Variants in DENND5A observed in about 807,000 individuals in gnomAD.
DENND5A encodes the protein DENN domain-containing protein 5A.
Under a neutral mutation model 140.3 loss-of-function variants are expected in DENND5A, and 64 were observed. The ratio of observed to expected loss-of-function variants is 0.46; its 90% CI spans 0.37 to 0.56. DENND5A has a LOEUF of 0.56. Among genes scored for constraint, DENND5A ranks in the 20% least tolerant of loss-of-function variants. DENND5A has a pLI of 0.00. For missense variants in DENND5A, 1,292 were observed against 1,593.8 expected, an observed-to-expected ratio of 0.81 and a Z score of 3.22; for synonymous variants, 605 against 607.7, an observed-to-expected ratio of 1.00 and a Z score of 0.07.
chr11:9,238,388 T>A (rs184318497), intron 1 of DENND5A, among the ~76,000 whole-genome samples: 1 of 151,900 alleles, frequency 6.6e-6, no homozygotes, highest in Non-Finnish European at 1.5e-5. Flanking sequence ...TATATACTTA[T>A]ATACTTAGAA....
At chr11:9,241,933 G>A (rs747216509) in intron 1 of DENND5A, among the ~76,000 whole-genome samples, 10 of 149,592 alleles carry the variant, frequency 6.7e-5, no homozygotes, top group Admixed American at 1.3e-4. Flanking sequence ...AGAATCGCTT[G>A]AATCTGGGAG....
chr11:9,235,780 A>G (rs773777653), intron 1 of DENND5A, among the ~76,000 whole-genome samples: 6 of 152,184 alleles, frequency 3.9e-5, no homozygotes, highest in Non-Finnish European at 5.9e-5. Flanking sequence ...GTAAATCCAG[A>G]GAGAGAAAGC....
chr11:9,159,009 T>C lies in DENND5A; in HGVS notation c.2436+1704A>G, dbSNP rs375712133. Among the ~76,000 whole-genome samples, 15 of 152,318 alleles carry C rather than the reference T, an allele frequency of 9.8e-5. No homozygotes were observed. In the East Asian group the frequency reaches 2.7e-3, roughly 27 times the overall value. On this transcript the variant is annotated intron_variant, in intron 12 of 22. Coordinates refer to ENST00000328194, the MANE Select transcript of DENND5A (RefSeq NM_015213.4). ...CATATGCATTAGTAGTCACTTCCCA[T>C]TGCTCCCTTCCTCTAGCCTCTGGCA...
intron 1 of DENND5A, among the ~76,000 whole-genome samples, chr11:9,223,336 T>C (rs1272936385): frequency 2.0e-5 from 3 of 151,854 alleles, no homozygotes; most frequent in African/African-American, 7.3e-5. Flanking sequence ...GTCAGGAGTT[T>C]AAGACCAGCC....
chr11:9,179,549 G>C (rs1848657395), intron 6 of DENND5A, among the ~76,000 whole-genome samples: 1 of 148,916 alleles, frequency 6.7e-6, no homozygotes, highest in South Asian at 2.1e-4. Flanking sequence ...GCCCAGGCTG[G>C]AGTGCAATGG....
chr11:9,206,874 C>A, intron 2 of DENND5A, 92 bp from the exon 3 acceptor site: 1 of 930,912 alleles, frequency 1.1e-6, no homozygotes, highest in Admixed American at 2.0e-5. Flanking sequence ...CAGCAAGGTA[C>A]AGAAATGAAG....
chr11:9,255,757 T>C (rs1851917420), intron 1 of DENND5A, among the ~76,000 whole-genome samples: 1 of 151,954 alleles, frequency 6.6e-6, no homozygotes, highest in Admixed American at 6.6e-5. Flanking sequence ...CCCAGCTACT[T>C]GGGAGGCCAA....
At chr11:9,185,642 G>A (rs1430201674) in intron 5 of DENND5A, among the ~76,000 whole-genome samples, 1 of 152,142 alleles carries the variant, frequency 6.6e-6, no homozygotes, top group African/African-American at 2.4e-5. Flanking sequence ...AACCCTGCAC[G>A]TTCTGCACAT....
intron 1 of DENND5A, among the ~76,000 whole-genome samples, chr11:9,252,245 G>A (rs1459989768): frequency 7.8e-5 from 11 of 140,330 alleles, no homozygotes; most frequent in Non-Finnish European, 1.4e-4. Flanking sequence ...TTGCAGTGCC[G>A]CAGTCACACC....
intron 1 of DENND5A, among the ~76,000 whole-genome samples, chr11:9,224,588 C>T (rs571463632): frequency 5.9e-5 from 9 of 152,102 alleles, no homozygotes; most frequent in African/African-American, 7.2e-5. Context: ...GTGCCCAGTG[C>T]GGTGGCTCAC....
chr11:9,155,465 T>A (rs2133217), intron 12 of DENND5A, among the ~76,000 whole-genome samples: 69,607 of 151,986 alleles, frequency 0.46, 16,932 homozygotes, highest in African/African-American at 0.61. Context: ...GCTCACAATG[T>A]TTACAGAGGT....
intron 12 of DENND5A, among the ~76,000 whole-genome samples, chr11:9,153,656 G>C (rs191503290): frequency 6.6e-6 from 1 of 152,274 alleles, no homozygotes; most frequent in African/African-American, 2.4e-5. Flanking sequence ...GTGCAGGCCA[G>C]GGAGAGTAAG....
chr11:9,145,895 G>A, intron 16 of DENND5A, 80 bp from the exon 17 acceptor site: 1 of 1,498,734 alleles, frequency 6.7e-7, no homozygotes, highest in Non-Finnish European at 9.2e-7. Context: ...CCTGCTCCAG[G>A]AAGGCTGGCA....
intron 1 of DENND5A, among the ~76,000 whole-genome samples, chr11:9,238,152 A>G (rs554920421): frequency 2.0e-4 from 31 of 152,070 alleles, no homozygotes; most frequent in Non-Finnish European, 3.4e-4. Flanking sequence ...CTTATAATTA[A>G]CTCTTAACTA....
chr11:9,145,042 C>T lies in DENND5A; in HGVS notation c.3075G>A (p.Leu1025=), dbSNP rs760979837. The change falls in exon 18 of 23, where the codon CTG becomes CTA. Residue 1025 remains leucine, a synonymous_variant. Transcript: ENST00000328194. Reference sequence around the variant, plus strand: ...CATTCCTGACCATCACATACTCCACCAGCCATTTGGCATACAGCCCAGAGT... The same window carrying T: ...CATTCCTGACCATCACATACTCCACTAGCCATTTGGCATACAGCCCAGAGT... ...HDNSGLYAKW[L]VEYVMVRNEI... The T allele has an allele frequency of 1.9e-6, 3 of 1,614,146 alleles. No homozygotes were observed. Among genetic ancestry groups the T allele is most frequent in the Non-Finnish European group, 1.7e-6 (2 of 1,180,002 alleles).
intron 8 of DENND5A, among the ~76,000 whole-genome samples, chr11:9,177,098 T>G (rs1314775284): frequency 6.6e-6 from 1 of 151,132 alleles, no homozygotes; most frequent in Non-Finnish European, 1.5e-5. Context: ...CTAAAAAATA[T>G]AAAAAATTAG....
At chr11:9,249,977 G>A (rs561924634) in intron 1 of DENND5A, among the ~76,000 whole-genome samples, 9 of 150,870 alleles carry the variant, frequency 6.0e-5, no homozygotes, top group South Asian at 4.2e-4. Context: ...TCGAGCCATC[G>A]CACCTGGCCC....
intron 17 of DENND5A, 90 bp downstream of exon 17, chr11:9,145,580 A>G: frequency 7.3e-7 from 1 of 1,372,086 alleles, no homozygotes; most frequent in Non-Finnish European, 1.0e-6. Flanking sequence ...TGTACATAGC[A>G]AGCCCTCTGA....
chr11:9,152,059 T>A (rs1174401128), intron 13 of DENND5A, among the ~76,000 whole-genome samples: 1 of 152,152 alleles, frequency 6.6e-6, no homozygotes, highest in Non-Finnish European at 1.5e-5. Flanking sequence ...AACAGCCTGC[T>A]CCAAACCCAG....
Sources: allele counts gnomAD v4.1 joint callset (sites outside exome capture counted in the v4.1 genomes callset), GRCh38; gene constraint gnomAD v4.1.1; transcripts MANE v1.5; gene names NCBI Gene and HGNC (gene_info 2026-07-23, HGNC 2026-07-21).